The following CDK5RAP2 variants were observed in gnomAD, a reference collection of about 807,000 sequenced individuals.
The protein encoded by CDK5RAP2 is CDK5 regulatory subunit-associated protein 2.
Under a neutral mutation model 232.9 loss-of-function variants are expected in CDK5RAP2, and 147 were observed. The observed-to-expected ratio is 0.63, with a 90% CI of 0.55 to 0.72. CDK5RAP2 has a LOEUF of 0.72. CDK5RAP2 is among the 30% of genes least tolerant of loss of function. The probability of loss-of-function intolerance (pLI) is 0.00; values close to 1 mark genes in which losing one functional copy is unlikely to be tolerated. For synonymous variants in CDK5RAP2, 833 were observed against 833.7 expected (o/e 1.00, Z 0.01); for missense variants, 2,195 against 2,231.5 (o/e 0.98, Z 0.33).
intron 7 of CDK5RAP2, chr9:120,532,417 T>C (rs2041193373): frequency 1.3e-5 from 2 of 152,120 alleles, no homozygotes; most frequent in Non-Finnish European, 2.9e-5. Flanking sequence ...AGAAAGATAT[T>C]GGCAGAGTCC....
chr9:120,542,023 T>C (rs1437563417), intron 5 of CDK5RAP2, among the ~76,000 whole-genome samples: 1 of 152,190 alleles, frequency 6.6e-6, no homozygotes, highest in Non-Finnish European at 1.5e-5. Context: ...TTCTTTTCAT[T>C]CTAATTATGG....
chr9:120,417,575 T>C (rs1262999222), intron 27 of CDK5RAP2, among the ~76,000 whole-genome samples: 1 of 152,236 alleles, frequency 6.6e-6, no homozygotes, highest in Non-Finnish European at 1.5e-5. Context: ...CATGCCATCT[T>C]CCACTGAGTC....
intron 13 of CDK5RAP2, among the ~76,000 whole-genome samples, chr9:120,489,162 T>C (rs2131624137): frequency 6.6e-6 from 1 of 152,342 alleles, no homozygotes; most frequent in African/African-American, 2.4e-5. Flanking sequence ...TCTGAAAGCA[T>C]TGCTCTTCCA....
intron 12 of CDK5RAP2, among the ~76,000 whole-genome samples, chr9:120,513,258 T>C (rs2040175886): frequency 6.6e-6 from 1 of 152,226 alleles, no homozygotes; most frequent in Admixed American, 6.5e-5. Context: ...GTTTCCTGGC[T>C]TTCCCTCAGC....
rs1189919122 is a variant in CDK5RAP2, at chr9:120,400,879, G to A, written c.5314C>T (p.His1772Tyr). The change falls in exon 35 of 38, where the codon CAC becomes TAC. Residue 1772 changes from histidine to tyrosine, a missense_variant. Coordinates refer to ENST00000349780, the MANE Select transcript of CDK5RAP2 (RefSeq NM_018249.6). ...ACAAACTTGCTCAGTGGTGCTGGGT[G>A]TGGACCCTACACGGGGGATATGAAG... ...TSQELGTKGP[H>Y]PAPLSKFVSS... The A allele has an allele frequency of 6.2e-7, 1 of 1,614,142 alleles. No individual in the cohort carries two copies. Among genetic ancestry groups the A allele is most frequent in the South Asian group, 1.1e-5 (1 of 91,082 alleles).
chr9:120,460,803 C>A lies in CDK5RAP2; in HGVS notation c.2107-136G>T. The A allele has an allele frequency of 2.1e-6, 3 of 1,427,460 alleles. No homozygotes were observed. In the South Asian group the frequency reaches 3.8e-5, roughly 18 times the overall value. 88.4% of individuals were successfully genotyped at this position (1,427,460 alleles called of 1,614,324 possible). On this transcript the variant is annotated intron_variant, in intron 18 of 37. Coordinates refer to ENST00000349780, the MANE Select transcript of CDK5RAP2 (RefSeq NM_018249.6). ...AACAAAAAAGAGGAAGAAACAAATG[C>A]CAAAGCCATGAAATAAAAATTAACC... is the stretch of plus-strand genomic sequence containing the variant.
At chr9:120,429,052 C>T (rs2035108650) in intron 25 of CDK5RAP2, among the ~76,000 whole-genome samples, 1 of 152,170 alleles carries the variant, frequency 6.6e-6, no homozygotes, top group Non-Finnish European at 1.5e-5. Flanking sequence ...TGACAAAATT[C>T]AACAACCCTT....
intron 5 of CDK5RAP2, among the ~76,000 whole-genome samples, chr9:120,541,770 A>G (rs1413278172): frequency 2.0e-5 from 3 of 152,354 alleles, no homozygotes; most frequent in African/African-American, 7.2e-5. Context: ...AATGCAATAA[A>G]GCCTGTCAAG....
In CDK5RAP2 at chr9:120,389,210, C is replaced by A; in HGVS notation, c.*26G>T. On this transcript the variant is annotated 3_prime_UTR_variant, in exon 38 of 38. Transcript: ENST00000349780. ...CAGCGTGAGCTCGGTGGGGGAAGCA[C>A]AAGCTTTATTGGCTGAAAGTTCTTC... The A allele has an allele frequency of 6.2e-7, 1 of 1,604,160 alleles. No individual in the cohort carries two copies. The highest frequency in any genetic ancestry group is 8.5e-7 in the Non-Finnish European group (1 of 1,173,346).
chr9:120,574,431 A>AG (rs1186675081), intron 1 of CDK5RAP2, among the ~76,000 whole-genome samples: 4 of 152,244 alleles, frequency 2.6e-5, no homozygotes, highest in Non-Finnish European at 5.9e-5. Context: ...CTTATTCCAC[A>AG]GATGAGAAGA....
intron 35 of CDK5RAP2, 78 bp downstream of exon 35, chr9:120,400,664 C>T (rs1439737183): frequency 6.4e-6 from 10 of 1,573,320 alleles, no homozygotes; most frequent in South Asian, 1.1e-5. Context: ...TGCTGTGGGC[C>T]CCTGCTTGGC....
At chr9:120,411,028 G>C (rs1026834896) in intron 29 of CDK5RAP2, among the ~76,000 whole-genome samples, 1 of 152,212 alleles carries the variant, frequency 6.6e-6, no homozygotes, top group Non-Finnish European at 1.5e-5. Flanking sequence ...CTGTGAACTA[G>C]GATGAGAGAC....
At chr9:120,538,499 A>C (rs1351767922) in intron 6 of CDK5RAP2, among the ~76,000 whole-genome samples, 1 of 152,168 alleles carries the variant, frequency 6.6e-6, no homozygotes. Flanking sequence ...TGCAGTGCCT[A>C]ATAGAGAAAA....
At chr9:120,404,228 T>G (rs921740737) in intron 32 of CDK5RAP2, 115 bp from the exon 33 acceptor site, 2 of 741,024 alleles carry the variant, frequency 2.7e-6, no homozygotes, top group Non-Finnish European at 4.8e-6. Context: ...ACACACAGCA[T>G]TCCTTCAAAT....
At chr9:120,484,029 C>T (rs778372918) in intron 14 of CDK5RAP2, among the ~76,000 whole-genome samples, 1 of 152,162 alleles carries the variant, frequency 6.6e-6, no homozygotes, top group African/African-American at 2.4e-5. Context: ...CATGAATCTC[C>T]GGCTGTAGTT....
At chr9:120,551,510 T>C (rs970247307) in intron 3 of CDK5RAP2, among the ~76,000 whole-genome samples, 4 of 152,328 alleles carry the variant, frequency 2.6e-5, no homozygotes, top group African/African-American at 9.6e-5. Context: ...CTGAAATAAA[T>C]CAATGAGAGC....
At chr9:120,442,427 C>A (rs2131344616) in intron 23 of CDK5RAP2, among the ~76,000 whole-genome samples, 1 of 152,282 alleles carries the variant, frequency 6.6e-6, no homozygotes, top group Admixed American at 6.5e-5. Flanking sequence ...GAAAAAGAAA[C>A]AGCAATGAAG....
intron 25 of CDK5RAP2, among the ~76,000 whole-genome samples, chr9:120,430,779 T>C (rs1393288185): frequency 4.6e-5 from 7 of 152,190 alleles, no homozygotes; most frequent in Non-Finnish European, 1.0e-4. Context: ...CCCAAAGGAC[T>C]ATAAATCATG....
At position 120,422,745 on chromosome 9, in the gene CDK5RAP2, G is replaced by A; in HGVS notation, c.3956-4C>T. The A allele has an allele frequency of 1.2e-6, 2 of 1,610,872 alleles. No homozygotes were observed. The highest frequency in any genetic ancestry group is 2.2e-5 in the South Asian group (2 of 90,992). On this transcript the variant is annotated splice_polypyrimidine_tract_variant and splice_region_variant and intron_variant, in intron 25 of 37. Coordinates refer to ENST00000349780, the MANE Select transcript of CDK5RAP2 (RefSeq NM_018249.6). ...ATTTCCACTCCAACTGATTTTCCTG[G>A]AAGCAGAAATAACATCAAGAAAGGA...
Sources: allele counts gnomAD v4.1 joint callset (sites outside exome capture counted in the v4.1 genomes callset), GRCh38; gene constraint gnomAD v4.1.1; transcripts MANE v1.5; gene names NCBI Gene and HGNC (gene_info 2026-07-23, HGNC 2026-07-21).